Variants in CDKL3 observed in about 807,000 individuals in gnomAD.
The protein encoded by CDKL3 is cyclin dependent kinase like 3.
In CDKL3, 65 loss-of-function variants were observed where a neutral mutation model predicts 69.3. The observed-to-expected ratio is 0.94, with a 90% confidence interval of 0.77 to 1.15. The LOEUF (loss-of-function observed/expected upper bound fraction) is 1.15, where lower values mean the gene tolerates loss of function less well. CDKL3 is among the 50% of genes most tolerant of loss of function. CDKL3 has a pLI of 0.00. For missense variants in CDKL3, 652 were observed against 689.2 expected (o/e 0.95, Z 0.61); for synonymous variants, 202 against 221.6 (o/e 0.91, Z 0.79).
At chr5:134,364,989 T>C (rs78338450) in intron 2 of CDKL3, among the ~76,000 whole-genome samples, 5 of 150,040 alleles carry the variant, frequency 3.3e-5, no homozygotes, top group Admixed American at 6.6e-5. Flanking sequence ...TTTTTTTTTT[T>C]CCTTTTCTTT....
intron 7 of CDKL3, 51 bp from the exon 8 acceptor site, chr5:134,308,778 A>C: frequency 1.4e-6 from 2 of 1,441,956 alleles, no homozygotes; most frequent in Non-Finnish European, 1.9e-6. Flanking sequence ...ATGCAGATGG[A>C]GTATTTTATC....
chr5:134,305,756 G>C (rs1221473286), intron 10 of CDKL3, among the ~76,000 whole-genome samples: 1 of 152,034 alleles, frequency 6.6e-6, no homozygotes, highest in Non-Finnish European at 1.5e-5. Flanking sequence ...TCAGTTTTTT[G>C]TTATTATAAT....
At chr5:134,361,759 A>C (rs56227267) in intron 2 of CDKL3, among the ~76,000 whole-genome samples, 23,063 of 151,952 alleles carry the variant, frequency 0.15, 2,214 homozygotes, top group African/African-American at 0.27. Context: ...CAAAAATTAG[A>C]CCAGCGTGGT....
chr5:134,312,396 G>C lies in CDKL3; in HGVS notation c.793-16C>G, dbSNP rs751506834. The C allele has an allele frequency of 6.8e-7, 1 of 1,475,310 alleles. No homozygotes were observed. Among genetic ancestry groups the C allele is most frequent in the East Asian group, 2.3e-5 (1 of 43,040 alleles). 91.4% of individuals were successfully genotyped at this position (1,475,310 alleles called of 1,614,324 possible). On this transcript the variant is annotated splice_polypyrimidine_tract_variant and intron_variant, in intron 6 of 12. Transcript: ENST00000265334. ...GTAAACAAGCCTAGGAAAGGAAAAA[G>C]ATTTTAATAAGTGAGCTCTCAACAG...
chr5:134,358,257 T>G (rs1354357703), intron 3 of CDKL3, among the ~76,000 whole-genome samples: 1 of 152,194 alleles, frequency 6.6e-6, no homozygotes, highest in Non-Finnish European at 1.5e-5. Flanking sequence ...CAGCACTCTC[T>G]GAAGTCCCCT....
chr5:134,349,637 G>A (rs73788629), intron 4 of CDKL3, among the ~76,000 whole-genome samples: 20,286 of 152,128 alleles, frequency 0.13, 1,616 homozygotes, highest in African/African-American at 0.21. Context: ...GAACTCTGCC[G>A]AGGGCATGGC....
chr5:134,290,687 T>A (rs527794713), intron 8 of CDKL3, among the ~76,000 whole-genome samples: 1 of 152,182 alleles, frequency 6.6e-6, no homozygotes, highest in African/African-American at 2.4e-5. Context: ...AATGACATCA[T>A]CTGATTTAAG....
At chr5:134,369,332 T>C (rs531651744), upstream of CDKL3, among the ~76,000 whole-genome samples, 4 of 152,264 alleles carry the variant, frequency 2.6e-5, no homozygotes, top group South Asian at 8.3e-4. Flanking sequence ...ATTCCTTACC[T>C]CTATTGCCTC....
intron 4 of CDKL3, among the ~76,000 whole-genome samples, chr5:134,333,448 G>C (rs1326685860): frequency 6.6e-6 from 1 of 152,164 alleles, no homozygotes; most frequent in African/African-American, 2.4e-5. Context: ...TATTGGCTGT[G>C]GGTTTGTCAT....
intron 9 of CDKL3, among the ~76,000 whole-genome samples, chr5:134,307,432 G>C (rs532928210): frequency 1.3e-5 from 2 of 152,322 alleles, no homozygotes; most frequent in South Asian, 4.1e-4. Flanking sequence ...CCTTTGGACT[G>C]ACATGGACAT....
intron 4 of CDKL3, among the ~76,000 whole-genome samples, chr5:134,327,738 C>T (rs990555778): frequency 1.3e-5 from 2 of 152,140 alleles, no homozygotes; most frequent in African/African-American, 4.8e-5. Flanking sequence ...TTGATTGGAA[C>T]AGTTTGTAGA....
upstream of CDKL3, chr5:134,371,093 C>T (rs1261835635): frequency 9.0e-6 from 2 of 222,422 alleles, no homozygotes; most frequent in African/African-American, 4.8e-5. Context: ...CCCTCCCACT[C>T]AGGGGTGGAT....
chr5:134,306,559 G>A lies in CDKL3; in HGVS notation c.1458+50C>T, dbSNP rs770434972. 11 of 1,062,860 alleles carry A rather than the reference G, an allele frequency of 1.0e-5. No homozygotes were observed. The South Asian group carries it at 1.1e-4, about 10-fold the overall frequency. The allele number at this position is 1,062,860 out of a possible 1,614,324, so 65.8% of individuals were successfully genotyped here. ...CCTAAAGATAGAGAAAAGGAAAAAA[G>A]AAGTAATGTTAAAAGAGGCCATATT... On this transcript the variant is annotated intron_variant, in intron 10 of 12. Transcript: ENST00000265334.
At chr5:134,292,575 A>G (rs1158310325) in intron 8 of CDKL3, among the ~76,000 whole-genome samples, 1 of 152,016 alleles carries the variant, frequency 6.6e-6, no homozygotes, top group Non-Finnish European at 1.5e-5. Flanking sequence ...CAAAATAAAT[A>G]GAAAGAAGAA....
At chr5:134,315,128 A>G (rs1050744292) in intron 6 of CDKL3, among the ~76,000 whole-genome samples, 1 of 152,180 alleles carries the variant, frequency 6.6e-6, no homozygotes, top group Non-Finnish European at 1.5e-5. Flanking sequence ...AGAAAAATCA[A>G]TGGAACAGAA....
chr5:134,366,984 A>ACGCCCCACGTCC lies in CDKL3; in HGVS notation c.-41_-30dup, dbSNP rs1757592744. ...CGTCTTAGGATGCCGGACCGGCGTC[A>ACGCCCCACGTCC]CGCCCCACGTCCCGCTGTTGACTTT... On this transcript the variant is annotated 5_prime_UTR_variant, in exon 1 of 13. Coordinates refer to ENST00000265334, the MANE Select transcript of CDKL3 (RefSeq NM_001113575.2). 1.0e-6 allele frequency: 1 copy of ACGCCCCACGTCC among 989,442 alleles called. No homozygotes were observed. The highest frequency in any genetic ancestry group is 1.7e-5 in the African/African-American group (1 of 57,278). 61.3% of individuals were successfully genotyped at this position (989,442 alleles called of 1,614,324 possible).
At chr5:134,330,133 A>T (rs1484047217) in intron 4 of CDKL3, among the ~76,000 whole-genome samples, 1 of 152,202 alleles carries the variant, frequency 6.6e-6, no homozygotes, top group Non-Finnish European at 1.5e-5. Flanking sequence ...CAAGCCATTT[A>T]GTATGTCCCT....
At chr5:134,337,102 C>A (rs1777315910) in intron 4 of CDKL3, among the ~76,000 whole-genome samples, 1 of 152,188 alleles carries the variant, frequency 6.6e-6, no homozygotes, top group African/African-American at 2.4e-5. Context: ...AGGTAGATCT[C>A]AGACTGCTGC....
chr5:134,348,984 G>C (rs1349148662), intron 4 of CDKL3, among the ~76,000 whole-genome samples: 1 of 152,148 alleles, frequency 6.6e-6, no homozygotes, highest in Non-Finnish European at 1.5e-5. Flanking sequence ...CAGGGGAATG[G>C]ATTGTGAATC....
Sources: gnomAD v4.1 joint callset for allele counts (sites outside exome capture counted in the v4.1 genomes callset) on GRCh38, gnomAD v4.1.1 for gene constraint, MANE v1.5 for transcripts, NCBI Gene and HGNC (gene_info 2026-07-23, HGNC 2026-07-21) for gene names.